The following PEX7 variants were observed in gnomAD, a reference collection of about 807,000 sequenced individuals.
The protein encoded by PEX7 is peroxisomal biogenesis factor 7.
Under a neutral mutation model 47.5 loss-of-function variants are expected in PEX7, and 34 were observed. That is an observed-to-expected ratio of 0.72 (90% CI 0.54 to 0.95). PEX7 has a LOEUF of 0.95. Ranked by LOEUF, PEX7 falls within the 40% of genes least tolerant of loss-of-function variation. The pLI, the probability that PEX7 is intolerant of heterozygous loss-of-function variation, is 0.00. For synonymous variants in PEX7, 141 were observed against 148.8 expected, an observed-to-expected ratio of 0.95 and a Z score of 0.38; for missense variants, 394 against 400.3, an observed-to-expected ratio of 0.98 and a Z score of 0.13.
At chr6:136,850,630 G>T (rs556997836) in intron 5 of PEX7, among the ~76,000 whole-genome samples, 1 of 152,234 alleles carries the variant, frequency 6.6e-6, no homozygotes, top group African/African-American at 2.4e-5. Flanking sequence ...ACAAATTCAT[G>T]GATGGTAATG....
intron 9 of PEX7, among the ~76,000 whole-genome samples, chr6:136,904,010 ACCT>A (rs998512408): frequency 6.6e-6 from 1 of 151,632 alleles, no homozygotes; most frequent in African/African-American, 2.4e-5. Context: ...TTTGGTTCAA[ACCT>A]CTATTGCCAT....
intron 3 of PEX7, among the ~76,000 whole-genome samples, chr6:136,828,272 A>C (rs1399754487): frequency 1.3e-5 from 2 of 152,228 alleles, no homozygotes; most frequent in Non-Finnish European, 2.9e-5. Flanking sequence ...AAATAAATGT[A>C]TGTACCAGTT....
At chr6:136,907,130 T>C (rs966460402) in intron 9 of PEX7, among the ~76,000 whole-genome samples, 5 of 152,182 alleles carry the variant, frequency 3.3e-5, no homozygotes, top group Admixed American at 2.0e-4. Context: ...TAAGTTCTTC[T>C]CTTCCTTCTC....
In PEX7 at chr6:136,822,617, G is replaced by C. The variant is rs1202006542; in HGVS notation, c.-49G>C. 2.7e-6 allele frequency: 4 copies of C among 1,507,766 alleles called. No individual in the cohort carries two copies. The highest frequency in any genetic ancestry group is 2.4e-5 in the South Asian group (2 of 83,554). The allele number at this position is 1,507,766 out of a possible 1,614,324, so 93.4% of individuals were successfully genotyped here. On this transcript the variant is annotated 5_prime_UTR_variant, in exon 1 of 10. Coordinates refer to ENST00000318471, the MANE Select transcript of PEX7 (RefSeq NM_000288.4). ...AACCGCGCCAGTGTGCCTCCGACTC[G>C]GAACGGCTTCCGCGGCCGGGGCAGC...
chr6:136,888,724 G>A (rs528273257), intron 8 of PEX7, among the ~76,000 whole-genome samples: 1 of 152,244 alleles, frequency 6.6e-6, no homozygotes, highest in East Asian at 1.9e-4. Flanking sequence ...ATAAATATAA[G>A]TGAATTTGAA....
At position 136,845,668 on chromosome 6, in the gene PEX7, C is replaced by G; in HGVS notation, c.393C>G (p.Gly131=). Residue 131 remains glycine, a synonymous_variant, in exon 4 of 10, where the codon GGC becomes GGG. Coordinates refer to ENST00000318471, the MANE Select transcript of PEX7 (RefSeq NM_000288.4). ...QTRGEQLVVS[G]SWDQTVKLWD... is the part of the protein sequence containing the mutation. The stretch of plus-strand genomic sequence containing the variant: ...GAGGTGAACAGCTTGTGGTGTCTGG[C>G]TCATGGGATCAAACTGTCAAATTGG... 3 of 1,607,512 alleles carry G rather than the reference C, an allele frequency of 1.9e-6. No homozygotes were observed. Among genetic ancestry groups the G allele is most frequent in the Non-Finnish European group, 2.6e-6 (3 of 1,174,016 alleles).
Position 136,913,845 on chromosome 6 carries a change from G to T in PEX7, c.*319G>T. 3.0e-5 allele frequency: 7 copies of T among 237,260 alleles called. No individual in the cohort carries two copies. The highest frequency in any genetic ancestry group is 2.3e-4 in the South Asian group (3 of 12,778). 14.7% of individuals were successfully genotyped at this position (237,260 alleles called of 1,614,324 possible). A position where few individuals can be genotyped will look rare whatever the true frequency, so the allele number is the denominator to read the frequency against. On this transcript the variant is annotated 3_prime_UTR_variant, in exon 10 of 10. Coordinates refer to ENST00000318471, the MANE Select transcript of PEX7 (RefSeq NM_000288.4). The stretch of plus-strand genomic sequence containing the variant: ...AGTAGGTTATACTTATATAGATAGT[G>T]ATATATTTCATTTTTAATTTGTCAT...
intron 9 of PEX7, among the ~76,000 whole-genome samples, chr6:136,898,733 TAAAC>T (rs1400995002): frequency 6.6e-6 from 1 of 152,146 alleles, no homozygotes; most frequent in Non-Finnish European, 1.5e-5. Flanking sequence ...TTTAAGTTAA[TAAAC>T]AATATATGTC....
chr6:136,875,145 AGAAAAAAAAAGAACTTTTTTTTT>A (rs1562748137), intron 8 of PEX7, among the ~76,000 whole-genome samples: 1 of 116,072 alleles, frequency 8.6e-6, no homozygotes, highest in Non-Finnish European at 1.8e-5. Flanking sequence ...GTCTCAAAAA[AGAAAAAAAAAGAACTTTTTTTTT>A]TTATTAATCA....
chr6:136,841,913 A>G (rs533966700), intron 3 of PEX7, among the ~76,000 whole-genome samples: 1 of 150,938 alleles, frequency 6.6e-6, no homozygotes, highest in African/African-American at 2.4e-5. Context: ...AATTAAAAAA[A>G]AAAACCCACA....
chr6:136,827,504 T>G (rs1169816738), intron 3 of PEX7, among the ~76,000 whole-genome samples: 3 of 140,930 alleles, frequency 2.1e-5, no homozygotes, highest in African/African-American at 5.4e-5. Flanking sequence ...CTGTGTGAAT[T>G]TGTGTGTGTG....
Position 136,900,436 on chromosome 6 carries a change from G to T in PEX7, c.903+2195G>T. 2.3e-6 allele frequency: 1 copy of T among 431,460 alleles called. No homozygotes were observed. Among genetic ancestry groups the T allele is most frequent in the South Asian group, 1.8e-5 (1 of 55,256 alleles). The allele number at this position is 431,460 out of a possible 1,614,324, so 26.7% of individuals were successfully genotyped here. On this transcript the variant is annotated intron_variant, in intron 9 of 9. Coordinates refer to ENST00000318471, the MANE Select transcript of PEX7 (RefSeq NM_000288.4). This position sits in a 1 kb window ranked among gnomAD's most constrained non-coding sequence, Gnocchi z 4.2. ...TGCCTTTTCCAGCTTGGCAGTGTGA[G>T]CCACAGACTTGGGACCAAGGACATT...
intron 1 of PEX7, 62 bp from the exon 2 acceptor site, chr6:136,825,152 C>T (rs1774164110): frequency 1.4e-6 from 2 of 1,386,666 alleles, no homozygotes; most frequent in Non-Finnish European, 2.1e-6. Context: ...TTGATAACTC[C>T]TTGACTTTCG....
intron 9 of PEX7, among the ~76,000 whole-genome samples, chr6:136,902,076 C>A (rs564377434): frequency 6.6e-6 from 1 of 152,334 alleles, no homozygotes; most frequent in East Asian, 1.9e-4. Context: ...TGAGCCACTG[C>A]GCCCAGCCAA....
chr6:136,885,321 CTTT>C (rs1775450557), intron 8 of PEX7, among the ~76,000 whole-genome samples: 1 of 152,124 alleles, frequency 6.6e-6, no homozygotes. Context: ...ACCTTTAAAA[CTTT>C]TTTATCAGTG....
intron 8 of PEX7, among the ~76,000 whole-genome samples, chr6:136,875,464 A>G (rs1256004930): frequency 6.6e-6 from 1 of 152,226 alleles, no homozygotes; most frequent in Non-Finnish European, 1.5e-5. Flanking sequence ...TTTAACTTAA[A>G]AAAATTTGTT....
At chr6:136,856,354 A>C (rs1256548992) in intron 5 of PEX7, among the ~76,000 whole-genome samples, 1 of 151,280 alleles carries the variant, frequency 6.6e-6, no homozygotes, top group East Asian at 1.9e-4. Context: ...AAGATAACTT[A>C]TTTGCTCACA....
intron 5 of PEX7, chr6:136,855,933 G>T: frequency 4.6e-6 from 1 of 215,548 alleles, no homozygotes; most frequent in Non-Finnish European, 9.3e-6. Context: ...TTGGACGTCA[G>T]TCAGAATTGT....
intron 4 of PEX7, 121 bp downstream of exon 4, chr6:136,845,813 T>A (rs1029774168): frequency 4.8e-5 from 34 of 704,010 alleles, no homozygotes; most frequent in Middle Eastern, 2.6e-4. Flanking sequence ...AGCTTTCTTT[T>A]AAAAAAAAAA....
Sources: gnomAD v4.1 joint callset for allele counts (sites outside exome capture counted in the v4.1 genomes callset) on GRCh38, gnomAD v4.1.1 for gene constraint, Gnocchi (gnomAD v3.1) non-coding constraint, MANE v1.5 for transcripts, NCBI Gene and HGNC (gene_info 2026-07-23, HGNC 2026-07-21) for gene names.